Variants in HEATR3 observed in about 807,000 individuals in gnomAD.
HEATR3 encodes HEAT repeat containing 3, also known as HEAT repeat-containing protein 3.
In HEATR3, 56 loss-of-function variants were observed where a neutral mutation model predicts 72.8. The observed-to-expected ratio is 0.77, with a 90% CI of 0.62 to 0.96. HEATR3 has a LOEUF of 0.96. HEATR3 is among the 40% of genes least tolerant of loss of function. HEATR3 has a pLI of 0.00. For synonymous variants in HEATR3, 331 were observed against 318.1 expected (o/e 1.04, Z -0.43); for missense variants, 747 against 831.4 (o/e 0.90, Z 1.25).
At chr16:50,066,303 G>A (rs7192665) in intron 1 of HEATR3, 34 bp downstream of exon 1, 62 of 1,575,088 alleles carry the variant, frequency 3.9e-5, no homozygotes, top group African/African-American at 1.4e-5. Flanking sequence ...CGGGAGGCGA[G>A]ACGAGGTTGC....
chr16:50,098,953 A>G (rs1485027947), intron 12 of HEATR3, among the ~76,000 whole-genome samples: 1 of 151,996 alleles, frequency 6.6e-6, no homozygotes, highest in African/African-American at 2.4e-5. Flanking sequence ...GCTTCTTTAT[A>G]TAATTTTTTT....
At chr16:50,072,769 T>G in intron 5 of HEATR3, 55 bp downstream of exon 5, 1 of 1,085,210 alleles carries the variant, frequency 9.2e-7, no homozygotes, top group Non-Finnish European at 1.4e-6. Context: ...ATTCAAAAAT[T>G]TTTATGCAGC....
chr16:50,078,134 C>T (rs1434588267), intron 6 of HEATR3, among the ~76,000 whole-genome samples: 1 of 152,022 alleles, frequency 6.6e-6, no homozygotes, highest in Non-Finnish European at 1.5e-5. Context: ...ACCTTGGCCT[C>T]CCAAAGTGTT....
intron 13 of HEATR3, 153 bp downstream of exon 13, chr16:50,100,526 G>A (rs2037343425): frequency 2.9e-6 from 2 of 686,214 alleles, no homozygotes; most frequent in Non-Finnish European, 4.9e-6. Flanking sequence ...ATACCCTTTG[G>A]CTTGATCTAA....
chr16:50,086,432 A>G lies in HEATR3; in HGVS notation c.1510+81A>G, dbSNP rs112102341. On this transcript the variant is annotated intron_variant, in intron 11 of 14. Transcript: ENST00000299192. ...AGGAATTTGGATTTTGTAAATGTAT[A>G]TTGTTTGTCATCCAATGTGCAGAAA... 8.2e-3 allele frequency: 11,528 copies of G among 1,402,764 alleles called. 64 individuals carry two copies. Among genetic ancestry groups the G allele is most frequent in the Non-Finnish European group, 0.01 (10,454 of 1,044,214 alleles). 86.9% of individuals were successfully genotyped at this position (1,402,764 alleles called of 1,614,324 possible). A position where few individuals can be genotyped will look rare whatever the true frequency, so the allele number is the denominator to read the frequency against.
chr16:50,104,966 A>G lies in HEATR3; in HGVS notation c.1948A>G (p.Ser650Gly). 1.9e-6 allele frequency: 3 copies of G among 1,610,342 alleles called. No homozygotes were observed. Among genetic ancestry groups the G allele is most frequent in the Non-Finnish European group, 2.5e-6 (3 of 1,179,168 alleles). The change falls in exon 15 of 15, where the codon AGC becomes GGC. Residue 650 changes from serine to glycine, a missense_variant. Transcript: ENST00000299192. Reference sequence around the variant, plus strand: ...ACGTAAAGAAGGGAGAGGTAACTATAGCACAGATCAGCTGTGTGTTCTTGA... The same window carrying G: ...ACGTAAAGAAGGGAGAGGTAACTATGGCACAGATCAGCTGTGTGTTCTTGA... ...KIRKEGRGNY[S>G]TDQLCVLDNV...
At chr16:50,087,147 T>C (rs999465968) in intron 11 of HEATR3, among the ~76,000 whole-genome samples, 8 of 152,136 alleles carry the variant, frequency 5.3e-5, no homozygotes, top group Non-Finnish European at 1.2e-4. Context: ...AGATTCTCCA[T>C]GTATAAGAGA....
rs187843948 is a variant in HEATR3 at position 50,089,133 on chromosome 16, G to A, written c.1510+2782G>A. Among the ~76,000 whole-genome samples the A allele has an allele frequency of 3.8e-3, 575 of 152,214 alleles. 3 individuals carry two copies. Among genetic ancestry groups the A allele is most frequent in the African/African-American group, 0.013 (549 of 41,522 alleles). On this transcript the variant is annotated intron_variant, in intron 11 of 14. Transcript: ENST00000299192. ...CCAAGCTGAGTCCTGGAGAAATAAT[G>A]GAAAGTTTCTGAATTGTGGGAAAAT...
Position 50,066,455 on chromosome 16 carries a change from C to T in HEATR3, c.227C>T (p.Ala76Val), listed in dbSNP as rs895777615. Reference protein sequence around the residue: ...VQQRPALPGLARRDAVRRLGP... With the variant: ...VQQRPALPGLVRRDAVRRLGP... ...CAGCGGCCGGCACTCCCGGGCCTGG[C>T]GCGACGAGACGCCGTGCGCCGCCTC... Residue 76 changes from alanine (A) to valine (V), a missense_variant, in exon 2 of 15, where the codon GCG becomes GTG. Physicochemically the swap from Ala to Val is moderately conservative, Grantham distance 64. Coordinates refer to ENST00000299192, the MANE Select transcript of HEATR3 (RefSeq NM_182922.4). 10 of 1,371,554 alleles carry T rather than the reference C, an allele frequency of 7.3e-6. No homozygotes were observed. In the Admixed American group the frequency reaches 1.6e-4, roughly 21 times the overall value. 85.0% of individuals were successfully genotyped at this position (1,371,554 alleles called of 1,614,324 possible). A position where few individuals can be genotyped will look rare whatever the true frequency, so the allele number is the denominator to read the frequency against.
At position 50,066,063 on chromosome 16, in the gene HEATR3, G is replaced by A. The variant is rs2036478982; in HGVS notation, c.-69G>A. ...GCAGCAGCAACGGACCTTGTTAACG[G>A]CGCGGCAGCCTCCACCGCCTGCTGT... On this transcript the variant is annotated 5_prime_UTR_variant, in exon 1 of 15. Coordinates refer to ENST00000299192, the MANE Select transcript of HEATR3 (RefSeq NM_182922.4). The A allele has an allele frequency of 2.0e-6, 3 of 1,507,128 alleles. No individual in the cohort carries two copies. The highest frequency in any genetic ancestry group is 2.7e-6 in the Non-Finnish European group (3 of 1,123,228). 93.4% of individuals were successfully genotyped at this position (1,507,128 alleles called of 1,614,324 possible). A position where few individuals can be genotyped will look rare whatever the true frequency, so the allele number is the denominator to read the frequency against.
intron 12 of HEATR3, among the ~76,000 whole-genome samples, chr16:50,097,825 G>C (rs1473403930): frequency 2.6e-5 from 4 of 150,948 alleles, no homozygotes; most frequent in Non-Finnish European, 4.4e-5. Flanking sequence ...TGAGGCAGGA[G>C]AATCGCTTGA....
At chr16:50,100,817 T>C (rs2037349168) in intron 13 of HEATR3, 1 of 200,922 alleles carries the variant, frequency 5.0e-6, no homozygotes, top group African/African-American at 2.4e-5. Flanking sequence ...ACTCCATAAA[T>C]TTTAAGCAGC....
intron 14 of HEATR3, among the ~76,000 whole-genome samples, chr16:50,102,863 A>G (rs978941897): frequency 6.6e-6 from 1 of 152,080 alleles, no homozygotes; most frequent in Non-Finnish European, 1.5e-5. Context: ...CCCCAGTTCA[A>G]GTGATTCTTG....
chr16:50,070,435 C>G, intron 4 of HEATR3, 145 bp downstream of exon 4: 1 of 378,408 alleles, frequency 2.6e-6, no homozygotes, highest in South Asian at 4.3e-5. Flanking sequence ...CATGGTGGCT[C>G]ATGCCTGTAA....
chr16:50,082,673 C>T (rs908271686), intron 7 of HEATR3, among the ~76,000 whole-genome samples: 6 of 145,716 alleles, frequency 4.1e-5, no homozygotes, highest in African/African-American at 7.6e-5. Flanking sequence ...GTAATCTCAA[C>T]ACTTTTGGGA....
intron 10 of HEATR3, among the ~76,000 whole-genome samples, chr16:50,085,284 C>G (rs1039813267): frequency 6.6e-6 from 1 of 152,054 alleles, no homozygotes; most frequent in African/African-American, 2.4e-5. Context: ...GTTAAACTCT[C>G]TATGTATGTT....
intron 14 of HEATR3, among the ~76,000 whole-genome samples, chr16:50,102,873 G>A (rs1476653631): frequency 6.6e-6 from 1 of 151,830 alleles, no homozygotes; most frequent in African/African-American, 2.4e-5. Context: ...AGTGATTCTT[G>A]TGCCTCAGCC....
intron 5 of HEATR3, chr16:50,073,445 A>G (rs901516376): frequency 6.6e-6 from 1 of 152,240 alleles, no homozygotes; most frequent in African/African-American, 2.4e-5. Context: ...CTGGGGAGGA[A>G]GAAGTGTATT....
chr16:50,097,713 G>C (rs954350155), intron 12 of HEATR3, among the ~76,000 whole-genome samples: 3 of 152,054 alleles, frequency 2.0e-5, no homozygotes, highest in Non-Finnish European at 4.4e-5. Context: ...TCAGGAGTTT[G>C]AGACCAGCCT....
Sources: gnomAD v4.1 joint callset for allele counts (sites outside exome capture counted in the v4.1 genomes callset) on GRCh38, gnomAD v4.1.1 for gene constraint, MANE v1.5 for transcripts, NCBI Gene and HGNC (gene_info 2026-07-23, HGNC 2026-07-21) for gene names.